Variants in CDKN2B-AS1 observed in about 807,000 individuals in gnomAD.
CDKN2B-AS1 encodes the protein CDKN2B antisense RNA 1 (non-protein coding).
intron 4 of CDKN2B-AS1, among the ~76,000 whole-genome samples, chr9:22,064,185 G>T (rs1823939736): frequency 6.6e-6 from 1 of 152,154 alleles, no homozygotes; most frequent in Non-Finnish European, 1.5e-5. Flanking sequence ...GGGGAGAAGA[G>T]TTCTATTGTG....
chr9:22,100,114 T>C (rs1186595459), intron 4 of CDKN2B-AS1, among the ~76,000 whole-genome samples: 1 of 152,204 alleles, frequency 6.6e-6, no homozygotes, highest in African/African-American at 2.4e-5. Context: ...ATTGACTATA[T>C]TTTATTCTTT....
intron 1 of CDKN2B-AS1, among the ~76,000 whole-genome samples, chr9:21,998,281 T>C (rs1820773916): frequency 6.6e-6 from 1 of 152,240 alleles, no homozygotes; most frequent in East Asian, 1.9e-4. Flanking sequence ...CTATTGGCTA[T>C]GTGCTCTTCA....
At chr9:22,060,602 C>A (rs891378351) in intron 4 of CDKN2B-AS1, among the ~76,000 whole-genome samples, 1 of 152,212 alleles carries the variant, frequency 6.6e-6, no homozygotes, top group African/African-American at 2.4e-5. Context: ...AAAGTCACTT[C>A]CACATTTTTG....
intron 4 of CDKN2B-AS1, among the ~76,000 whole-genome samples, chr9:22,062,618 T>G (rs549423876): frequency 5.0e-4 from 76 of 152,272 alleles, no homozygotes; most frequent in African/African-American, 1.7e-3. Context: ...GTAGTCTCTG[T>G]GTTTCTTGGA....
At chr9:22,015,117 A>G (rs1027624580) in intron 1 of CDKN2B-AS1, among the ~76,000 whole-genome samples, 33 of 152,120 alleles carry the variant, frequency 2.2e-4, no homozygotes, top group African/African-American at 7.0e-4. Context: ...TCCTTTGGGT[A>G]TATACCCAGT....
intron 4 of CDKN2B-AS1, among the ~76,000 whole-genome samples, chr9:22,087,918 A>G (rs1023814746): frequency 1.3e-5 from 2 of 152,250 alleles, no homozygotes; most frequent in Admixed American, 1.3e-4. Context: ...ATAGTTTCCT[A>G]TGAAGACTCT....
At chr9:22,050,953 G>A (rs940233552) in intron 3 of CDKN2B-AS1, among the ~76,000 whole-genome samples, 2 of 152,156 alleles carry the variant, frequency 1.3e-5, no homozygotes, top group African/African-American at 4.8e-5. Context: ...TACCGTTTTT[G>A]CAGCTTTTTC....
chr9:22,071,694 T>A (rs1824302259), intron 4 of CDKN2B-AS1, among the ~76,000 whole-genome samples: 1 of 152,176 alleles, frequency 6.6e-6, no homozygotes, highest in South Asian at 2.1e-4. Flanking sequence ...AAGTATCCAT[T>A]GTGGATTTTA....
chr9:22,074,058 T>G (rs1447784350), intron 4 of CDKN2B-AS1, among the ~76,000 whole-genome samples: 1 of 152,080 alleles, frequency 6.6e-6, no homozygotes, highest in Non-Finnish European at 1.5e-5. Flanking sequence ...AGATGGGGTT[T>G]TGCCATGTTG....
At chr9:22,044,559 T>C (rs1194516707) in intron 1 of CDKN2B-AS1, among the ~76,000 whole-genome samples, 1 of 152,042 alleles carries the variant, frequency 6.6e-6, no homozygotes, top group Non-Finnish European at 1.5e-5. Flanking sequence ...ATTAATATTC[T>C]TTGGTGTGAA....
At chr9:22,018,395 C>T (rs569168496) in intron 1 of CDKN2B-AS1, among the ~76,000 whole-genome samples, 1 of 151,944 alleles carries the variant, frequency 6.6e-6, no homozygotes, top group Non-Finnish European at 1.5e-5. Flanking sequence ...TGGTGGCTCA[C>T]GCCTGTAATC....
chr9:22,022,409 C>T (rs1239033798), intron 1 of CDKN2B-AS1, among the ~76,000 whole-genome samples: 2 of 151,940 alleles, frequency 1.3e-5, no homozygotes, highest in African/African-American at 2.4e-5. Context: ...TTATGTAATG[C>T]GTTTCTTTGT....
chr9:22,049,095 G>A (rs1476875898), intron 2 of CDKN2B-AS1: 1 of 152,102 alleles, frequency 6.6e-6, no homozygotes, highest in Non-Finnish European at 1.5e-5. Flanking sequence ...TACACTATGT[G>A]GTTCTTCTAG....
At chr9:22,002,804 T>C (rs1449939556) in intron 1 of CDKN2B-AS1, 1 of 170,076 alleles carries the variant, frequency 5.9e-6, no homozygotes, top group Non-Finnish European at 1.3e-5. Flanking sequence ...ATTTAAGGCA[T>C]AGGAAATTTT....
At chr9:22,094,324 T>C (rs747502993) in intron 4 of CDKN2B-AS1, among the ~76,000 whole-genome samples, 5 of 143,476 alleles carry the variant, frequency 3.5e-5, no homozygotes, top group Non-Finnish European at 7.4e-5. Context: ...AGGAGTATCT[T>C]TGTGGCATTC....
chr9:22,110,711 C>T (rs535400432), intron 4 of CDKN2B-AS1, among the ~76,000 whole-genome samples: 1 of 152,184 alleles, frequency 6.6e-6, no homozygotes, highest in East Asian at 1.9e-4. Context: ...AAACCCTATA[C>T]TCATCTCTCA....
intron 4 of CDKN2B-AS1, among the ~76,000 whole-genome samples, chr9:22,089,049 C>A (rs752055640): frequency 3.9e-5 from 6 of 152,132 alleles, no homozygotes; most frequent in Non-Finnish European, 7.3e-5. Context: ...AAAAATATCA[C>A]GATTCTAATT....
Position 22,108,166 on chromosome 9 carries a change from G to T in CDKN2B-AS1, n.439-18937G>T, listed in dbSNP as rs114487946. ...TTTCTTTATAATAGAATTAATCTCT[G>T]AAAAGTAACTTTACTGTATTCTGAT... On this transcript the variant is annotated intron_variant and non_coding_transcript_variant, in intron 4 of 4. Coordinates refer to ENST00000650946, the Ensembl canonical transcript of CDKN2B-AS1. 4.1e-3 allele frequency among the ~76,000 whole-genome samples: 620 copies of T among 152,242 alleles called. 7 individuals carry two copies. The highest frequency in any genetic ancestry group is 0.014 in the African/African-American group (586 of 41,542).
At chr9:22,061,517 C>G (rs1397282694) in intron 4 of CDKN2B-AS1, among the ~76,000 whole-genome samples, 1 of 152,002 alleles carries the variant, frequency 6.6e-6, no homozygotes, top group Non-Finnish European at 1.5e-5. Context: ...TAATATGTGT[C>G]TGACTGACAT....
Sources: allele counts gnomAD v4.1 joint callset (sites outside exome capture counted in the v4.1 genomes callset), GRCh38; gene constraint gnomAD v4.1.1; transcripts MANE v1.5; gene names NCBI Gene and HGNC (gene_info 2026-07-23, HGNC 2026-07-21).